Variants in TMEM181 observed in about 807,000 individuals in gnomAD.
TMEM181 encodes transmembrane protein 181, also known as G protein-coupled receptor 178.
A neutral mutation model predicts 71.9 loss-of-function variants in TMEM181; 39 were observed. The observed-to-expected ratio is 0.54, with a 90% CI of 0.42 to 0.71. TMEM181 has a LOEUF of 0.71. Among genes scored for constraint, TMEM181 ranks in the 30% least tolerant of loss-of-function variants. The pLI is 0.00. For missense variants in TMEM181, 595 were observed against 583.0 expected (o/e 1.02, Z -0.21); for synonymous variants, 245 against 228.8 (o/e 1.07, Z -0.64).
At chr6:158,630,147 C>A (rs2128332940) in intron 15 of TMEM181, among the ~76,000 whole-genome samples, 1 of 152,298 alleles carries the variant, frequency 6.6e-6, no homozygotes, top group South Asian at 2.1e-4. Flanking sequence ...ACTTTGAATA[C>A]CCAAACAACC....
At chr6:158,565,000 C>T (rs1014712767) in intron 1 of TMEM181, among the ~76,000 whole-genome samples, 16 of 152,306 alleles carry the variant, frequency 1.1e-4, no homozygotes, top group African/African-American at 3.6e-4. Flanking sequence ...CGCCTACCGT[C>T]GTGGTGGTTT....
chr6:158,540,196 ACTC>A (rs1781290132), intron 1 of TMEM181, among the ~76,000 whole-genome samples: 1 of 152,026 alleles, frequency 6.6e-6, no homozygotes, highest in African/African-American at 2.4e-5. Context: ...TCTACAGAAA[ACTC>A]CTTGAATCTC....
At position 158,618,378 on chromosome 6, in the gene TMEM181, A is replaced by G. The variant is rs146331836; in HGVS notation, c.897-5172A>G. On this transcript the variant is annotated intron_variant, in intron 10 of 16. Coordinates refer to ENST00000684151, the MANE Select transcript of TMEM181 (RefSeq NM_001376852.1). ...TCATCCATCCCTTTATTTTGAGCCT[A>G]TGTGTGTCTCTGCACGTGAGATGGG... Among the ~76,000 whole-genome samples the G allele has an allele frequency of 4.5e-3, 684 of 152,172 alleles. 5 individuals carry two copies. Among genetic ancestry groups the G allele is most frequent in the African/African-American group, 0.015 (622 of 41,494 alleles).
Position 158,622,717 on chromosome 6 carries a change from C to T in TMEM181, c.897-833C>T, listed in dbSNP as rs527488874. Reference sequence around the variant, plus strand: ...GCTGTATGACTTGAACTGACACATTCGTTTTTGCTTAAATGAGTTGTGGAG... The same window carrying T: ...GCTGTATGACTTGAACTGACACATTTGTTTTTGCTTAAATGAGTTGTGGAG... On this transcript the variant is annotated intron_variant, in intron 10 of 16. Transcript: ENST00000684151. Among the ~76,000 whole-genome samples, 11 of 152,248 alleles carry T rather than the reference C, an allele frequency of 7.2e-5. No homozygotes were observed. In the East Asian group the frequency reaches 1.4e-3, roughly 19 times the overall value.
At chr6:158,568,951 G>A (rs1782659256) in intron 1 of TMEM181, among the ~76,000 whole-genome samples, 1 of 152,198 alleles carries the variant, frequency 6.6e-6, no homozygotes. Flanking sequence ...GGTTTCTGAA[G>A]TCTGTGGTTT....
At chr6:158,603,320 T>G (rs1396956109) in intron 6 of TMEM181, among the ~76,000 whole-genome samples, 1 of 151,516 alleles carries the variant, frequency 6.6e-6, no homozygotes, top group Non-Finnish European at 1.5e-5. Context: ...GGCATTTCAT[T>G]TATCATTAGA....
intron 2 of TMEM181, among the ~76,000 whole-genome samples, chr6:158,576,916 G>A (rs897308639): frequency 1.3e-5 from 2 of 151,980 alleles, no homozygotes; most frequent in Non-Finnish European, 2.9e-5. Context: ...CAAAAAATTA[G>A]CCAGGCATGG....
chr6:158,608,537 C>G, intron 9 of TMEM181, 74 bp downstream of exon 9: 1 of 1,609,704 alleles, frequency 6.2e-7, no homozygotes, highest in Non-Finnish European at 8.5e-7. Context: ...GAGGACAGCC[C>G]AGAAAGGTGA....
intron 2 of TMEM181, among the ~76,000 whole-genome samples, chr6:158,577,804 C>G (rs1303802455): frequency 6.6e-6 from 1 of 152,172 alleles, no homozygotes; most frequent in Admixed American, 6.5e-5. Context: ...TAAAAGAAAA[C>G]TGTTGGCCGG....
rs1055100958 is a variant in TMEM181 at position 158,589,699 on chromosome 6, C to G, written c.409C>G (p.Leu137Val). The G allele has an allele frequency of 6.2e-7, 1 of 1,614,038 alleles. No individual in the cohort carries two copies. The highest frequency in any genetic ancestry group is 1.1e-5 in the South Asian group (1 of 91,068). ...ATGTGCGGAGATTATTGTGGCTCAC[C>G]TTGGCTACCTGAACTACACTCAGTA... ...GKCAEIIVAH[L>V]GYLNYTQYTV... Residue 137 changes from leucine to valine, a missense_variant, in exon 6 of 17, where the codon CTT (leucine) becomes GTT (valine). Leu to Val is a conservative substitution (Grantham distance 32). Coordinates refer to ENST00000684151, the MANE Select transcript of TMEM181 (RefSeq NM_001376852.1).
At chr6:158,572,479 C>T (rs776374708) in intron 1 of TMEM181, 3 of 456,670 alleles carry the variant, frequency 6.6e-6, no homozygotes, top group South Asian at 4.6e-5. Flanking sequence ...GTCTGTGGGT[C>T]TCCTCCTCAG....
intron 3 of TMEM181, 76 bp downstream of exon 3, chr6:158,581,071 TAG>T: frequency 7.0e-7 from 1 of 1,431,580 alleles, no homozygotes; most frequent in Non-Finnish European, 9.8e-7. Context: ...TGGTTCCGCT[TAG>T]AGTCTTTAAG....
At chr6:158,605,568 C>T (rs879601558) in intron 7 of TMEM181, among the ~76,000 whole-genome samples, 1 of 152,134 alleles carries the variant, frequency 6.6e-6, no homozygotes, top group Non-Finnish European at 1.5e-5. Context: ...GTAGAGTGCA[C>T]GTCCGTGACT....
intron 1 of TMEM181, among the ~76,000 whole-genome samples, chr6:158,564,746 C>G (rs1419634643): frequency 6.6e-6 from 1 of 152,172 alleles, no homozygotes; most frequent in African/African-American, 2.4e-5. Flanking sequence ...TACTTGCCTG[C>G]TGTCATGTGG....
intron 15 of TMEM181, 132 bp downstream of exon 15, chr6:158,629,951 A>T (rs978347060): frequency 4.3e-5 from 33 of 769,458 alleles, no homozygotes; most frequent in African/African-American, 1.6e-4. Flanking sequence ...TGGCAGAGAG[A>T]GAGTGAGTTG....
chr6:158,564,992 C>T (rs926186116), intron 1 of TMEM181, among the ~76,000 whole-genome samples: 2 of 152,168 alleles, frequency 1.3e-5, no homozygotes, highest in Non-Finnish European at 2.9e-5. Context: ...GTCTTACCCG[C>T]CTACCGTCGT....
chr6:158,589,307 C>T (rs974842202), intron 5 of TMEM181, among the ~76,000 whole-genome samples: 12 of 152,184 alleles, frequency 7.9e-5, no homozygotes, highest in Middle Eastern at 3.4e-3. Flanking sequence ...CAAATTAGGC[C>T]GCGGCATCTG....
At chr6:158,617,975 C>G (rs1405740574) in intron 10 of TMEM181, among the ~76,000 whole-genome samples, 1 of 152,324 alleles carries the variant, frequency 6.6e-6, no homozygotes, top group African/African-American at 2.4e-5. Context: ...ATGGAGAGTT[C>G]TGTAGATGTC....
chr6:158,592,917 C>CT (rs1784184901), intron 6 of TMEM181, among the ~76,000 whole-genome samples: 2 of 151,864 alleles, frequency 1.3e-5, no homozygotes, highest in Admixed American at 1.3e-4. Context: ...GAGACCCTGT[C>CT]TAAAAAAAAT....
Sources: gnomAD v4.1 joint callset for allele counts (sites outside exome capture counted in the v4.1 genomes callset) on GRCh38, gnomAD v4.1.1 for gene constraint, MANE v1.5 for transcripts, NCBI Gene and HGNC (gene_info 2026-07-23, HGNC 2026-07-21) for gene names.